The following FAM200B variants were observed in gnomAD, a reference collection of about 807,000 sequenced individuals.
FAM200B encodes protein FAM200B.
Under a neutral mutation model 33.1 loss-of-function variants are expected in FAM200B, and 32 were observed. The ratio of observed to expected loss-of-function variants is 0.97; its 90% CI spans 0.73 to 1.30. The LOEUF (loss-of-function observed/expected upper bound fraction) is 1.30, where lower values mean the gene tolerates loss of function less well. Among genes scored for constraint, FAM200B ranks in the 50% most tolerant of loss-of-function variants. FAM200B has a pLI of 0.00. For missense variants in FAM200B, 741 were observed against 754.0 expected (o/e 0.98, Z 0.20); for synonymous variants, 240 against 264.8 (o/e 0.91, Z 0.91).
the FAM200B span, among the ~76,000 whole-genome samples, chr4:15,674,557 A>G: frequency 6.6e-6 from 1 of 152,024 alleles, no homozygotes; most frequent in Non-Finnish European, 1.5e-5. Flanking sequence ...CAAAATTATT[A>G]CTCATGAAAC....
At chr4:15,655,294 T>G in the FAM200B span, 5 of 1,406,362 alleles carry the variant, frequency 3.6e-6, 1 homozygote, top group South Asian at 6.7e-5. Context: ...CCATCGCCAC[T>G]GCCTCAGCCT....
At chr4:15,645,763 A>G in the FAM200B span, among the ~76,000 whole-genome samples, 1 of 152,186 alleles carries the variant, frequency 6.6e-6, no homozygotes, top group African/African-American at 2.4e-5. Flanking sequence ...TTGATGTTAA[A>G]TGGATATAAT....
At chr4:15,648,124 T>C in the FAM200B span, among the ~76,000 whole-genome samples, 13 of 152,330 alleles carry the variant, frequency 8.5e-5, no homozygotes, top group Non-Finnish European at 1.5e-4. Flanking sequence ...CCTGAGTTGC[T>C]GAGATTATAG....
upstream of FAM200B, chr4:15,681,458 C>A: frequency 1.2e-5 from 2 of 169,028 alleles, no homozygotes; most frequent in South Asian, 3.4e-4. Flanking sequence ...TCTTTTCGCT[C>A]CCATGGCTCT....
At chr4:15,678,139 CA>C (rs1423343888), upstream of FAM200B, among the ~76,000 whole-genome samples, 4 of 152,016 alleles carry the variant, frequency 2.6e-5, no homozygotes, top group African/African-American at 9.7e-5. Context: ...AAAAATCAAA[CA>C]AAAAACTATG....
the FAM200B span, among the ~76,000 whole-genome samples, chr4:15,653,001 A>G: frequency 6.6e-6 from 1 of 152,236 alleles, no homozygotes; most frequent in Admixed American, 6.5e-5. Context: ...TTACTGAACC[A>G]TTACAAAATA....
At chr4:15,646,618 C>T in the FAM200B span, among the ~76,000 whole-genome samples, 1 of 151,946 alleles carries the variant, frequency 6.6e-6, no homozygotes, top group East Asian at 1.9e-4. Context: ...CATATGTATA[C>T]ATGTGCCATG....
At chr4:15,668,467 TTTTGTACTTGGTTTTTGTATTGTTC>T in the FAM200B span, among the ~76,000 whole-genome samples, 550 of 152,274 alleles carry the variant, frequency 3.6e-3, 7 homozygotes, top group African/African-American at 0.013. Flanking sequence ...TTTTATTTTT[TTTTGTACTTGGTTTTTGTATTGTTC>T]TTTGTACTTG....
At chr4:15,644,532 C>A in the FAM200B span, 1 of 1,613,828 alleles carries the variant, frequency 6.2e-7, no homozygotes. Context: ...GGCTAAGCAT[C>A]TCGGAGAGTT....
the FAM200B span, among the ~76,000 whole-genome samples, chr4:15,662,493 T>G: frequency 6.6e-6 from 1 of 152,208 alleles, no homozygotes; most frequent in East Asian, 1.9e-4. Context: ...ATACTATCTT[T>G]TAATATTGCT....
At chr4:15,680,381 G>A (rs930148455), upstream of FAM200B, among the ~76,000 whole-genome samples, 9 of 152,184 alleles carry the variant, frequency 5.9e-5, no homozygotes, top group Admixed American at 5.9e-4. Context: ...TAAAAATCCA[G>A]TGGGAGAGGC....
At chr4:15,665,909 G>A in the FAM200B span, among the ~76,000 whole-genome samples, 1 of 152,060 alleles carries the variant, frequency 6.6e-6, no homozygotes, top group African/African-American at 2.4e-5. Context: ...CAAGTGAACT[G>A]TCCAAGACCA....
the FAM200B span, among the ~76,000 whole-genome samples, chr4:15,669,105 G>A: frequency 6.6e-6 from 1 of 152,164 alleles, no homozygotes; most frequent in Non-Finnish European, 1.5e-5. Flanking sequence ...TAGATATATA[G>A]TTGAGTATTT....
Position 15,687,167 on chromosome 4 carries a change from A to T in FAM200B, c.190A>T (p.Asn64Tyr), listed in dbSNP as rs1002721296. 6.5e-7 allele frequency: 1 copy of T among 1,542,764 alleles called. No individual in the cohort carries two copies. The highest frequency in any genetic ancestry group is 2.0e-5 in the Admixed American group (1 of 49,482). The change falls in exon 2 of 2, where the codon AAT becomes TAT. Residue 64 changes from asparagine to tyrosine, a missense_variant. By Grantham distance (143) the Asn-to-Tyr change is moderately radical. Coordinates refer to ENST00000422728, the MANE Select transcript of FAM200B (RefSeq NM_001145191.2). Reference sequence around the variant, plus strand: ...GAAAAAAGTAAGTGCAAGACGTTATAATGAAGATTACTTAAAATATGGCTT... The same window carrying T: ...GAAAAAAGTAAGTGCAAGACGTTATTATGAAGATTACTTAAAATATGGCTT... ...KKKKVSARRY[N>Y]EDYLKYGFIK...
the FAM200B span, among the ~76,000 whole-genome samples, chr4:15,645,054 TAA>T: frequency 6.6e-6 from 1 of 152,050 alleles, no homozygotes; most frequent in African/African-American, 2.4e-5. Context: ...GCAGAAATTT[TAA>T]AGAGGGAAAC....
chr4:15,686,783 C>T lies in FAM200B; in HGVS notation c.-195C>T, dbSNP rs1437632088. The T allele has an allele frequency of 8.4e-6, 3 of 356,508 alleles. No homozygotes were observed. Among genetic ancestry groups the T allele is most frequent in the Non-Finnish European group, 1.5e-5 (3 of 196,544 alleles). 22.1% of individuals were successfully genotyped at this position (356,508 alleles called of 1,614,324 possible). A position where few individuals can be genotyped will look rare whatever the true frequency, so the allele number is the denominator to read the frequency against. ...GTCTTGCTTGATTTTCATAATAGCA[C>T]GGTTAATGTTCTATAGTCAAGTTTT... is the stretch of plus-strand genomic sequence containing the variant. On this transcript the variant is annotated 5_prime_UTR_variant, in exon 2 of 2. It adds an upstream start codon to the 5' untranslated region. Coordinates refer to ENST00000422728, the MANE Select transcript of FAM200B (RefSeq NM_001145191.2).
At chr4:15,672,267 C>CT in the FAM200B span, among the ~76,000 whole-genome samples, 1 of 152,234 alleles carries the variant, frequency 6.6e-6, no homozygotes, top group Non-Finnish European at 1.5e-5. Context: ...GCTTTCCAGT[C>CT]TGTCTTGTGG....
In FAM200B at chr4:15,684,977, A is replaced by G. The variant is rs1718692411; in HGVS notation, c.-742-1259A>G. 2.0e-5 allele frequency: 3 copies of G among 152,318 alleles called. No homozygotes were observed. In the South Asian group the frequency reaches 6.2e-4, roughly 32 times the overall value. 9.4% of individuals were successfully genotyped at this position (152,318 alleles called of 1,614,324 possible). A position where few individuals can be genotyped will look rare whatever the true frequency, so the allele number is the denominator to read the frequency against. On this transcript the variant is annotated intron_variant, in intron 1 of 1. Coordinates refer to ENST00000422728, the MANE Select transcript of FAM200B (RefSeq NM_001145191.2). ...CTTTTAAGGTACAATCAGGTACCAT[A>G]TGTAATCTGTAGCTATTTAACCATC... is the stretch of plus-strand genomic sequence containing the variant.
the FAM200B span, chr4:15,656,096 G>A: frequency 2.3e-6 from 1 of 441,320 alleles, no homozygotes; most frequent in African/African-American, 2.0e-5. Context: ...GCAGGAACGC[G>A]GGTCAGGGAT....
Sources: allele counts gnomAD v4.1 joint callset (sites outside exome capture counted in the v4.1 genomes callset), GRCh38; gene constraint gnomAD v4.1.1; transcripts MANE v1.5; gene names NCBI Gene and HGNC (gene_info 2026-07-23, HGNC 2026-07-21).